The following TG variants were observed in gnomAD, a reference collection of about 807,000 sequenced individuals.
TG encodes thyroid hormones.
Under a neutral mutation model 324.7 loss-of-function variants are expected in TG, and 270 were observed. The ratio of observed to expected loss-of-function variants is 0.83; its 90% CI spans 0.75 to 0.92. The LOEUF (loss-of-function observed/expected upper bound fraction) is 0.92. TG is among the 40% of genes least tolerant of loss of function. TG has a pLI of 0.00. For synonymous variants in TG, 1,401 were observed against 1,327.0 expected, an observed-to-expected ratio of 1.06 and a Z score of -1.21; for missense variants, 3,591 against 3,456.4, an observed-to-expected ratio of 1.04 and a Z score of -0.98.
At chr8:133,109,424 G>A (rs745794652) in intron 43 of TG, among the ~76,000 whole-genome samples, 13 of 152,188 alleles carry the variant, frequency 8.5e-5, no homozygotes, top group Non-Finnish European at 1.8e-4. Flanking sequence ...AACAGCAGGC[G>A]CAAAGGCTTA....
At chr8:132,911,591 T>C (rs1326257228) in intron 19 of TG, 58 bp downstream of exon 19, 1 of 1,454,534 alleles carries the variant, frequency 6.9e-7, no homozygotes, top group African/African-American at 1.4e-5. Context: ...GAGTCTCAGT[T>C]TTCTCATCTG....
chr8:132,971,059 C>G (rs556539828), intron 32 of TG, among the ~76,000 whole-genome samples: 8 of 152,216 alleles, frequency 5.3e-5, no homozygotes, highest in Non-Finnish European at 8.8e-5. Flanking sequence ...TCAGGAGTCA[C>G]GAATGAGTGG....
At chr8:133,098,777 G>C (rs1463557867) in intron 43 of TG, among the ~76,000 whole-genome samples, 1 of 152,134 alleles carries the variant, frequency 6.6e-6, no homozygotes, top group Non-Finnish European at 1.5e-5. Flanking sequence ...TGTTCTTGTT[G>C]GCAGATCTGG....
At chr8:133,040,125 C>T in intron 41 of TG, 1 of 1,577,832 alleles carries the variant, frequency 6.3e-7, no homozygotes, top group Non-Finnish European at 8.6e-7. Flanking sequence ...AGGCCATCAG[C>T]CACCTCTGAG....
chr8:133,098,472 C>T (rs2131665034), intron 43 of TG, among the ~76,000 whole-genome samples: 1 of 152,322 alleles, frequency 6.6e-6, no homozygotes, highest in Non-Finnish European at 1.5e-5. Flanking sequence ...GGCCATTGAC[C>T]AGGGACAATT....
chr8:132,996,463 G>A (rs1317416856), intron 35 of TG, among the ~76,000 whole-genome samples: 4 of 152,084 alleles, frequency 2.6e-5, no homozygotes, highest in Non-Finnish European at 4.4e-5. Context: ...GAAAAAAATA[G>A]TACTATTGCT....
intron 41 of TG, among the ~76,000 whole-genome samples, chr8:133,045,658 G>A (rs1038164347): frequency 1.3e-5 from 2 of 152,122 alleles, no homozygotes; most frequent in South Asian, 4.1e-4. Context: ...GCCTCCCAAA[G>A]TGCTGGGATT....
At chr8:133,030,302 C>T (rs984633200) in intron 41 of TG, among the ~76,000 whole-genome samples, 2 of 152,166 alleles carry the variant, frequency 1.3e-5, no homozygotes, top group African/African-American at 2.4e-5. Context: ...GTGATCTGAA[C>T]CATCAATTAT....
intron 45 of TG, among the ~76,000 whole-genome samples, chr8:133,120,658 C>T (rs1483546523): frequency 6.6e-6 from 1 of 152,154 alleles, no homozygotes; most frequent in African/African-American, 2.4e-5. Context: ...ATCCAAGGTC[C>T]CCATCACCCA....
intron 34 of TG, among the ~76,000 whole-genome samples, chr8:132,981,413 C>T (rs1268686176): frequency 2.0e-5 from 3 of 152,154 alleles, no homozygotes; most frequent in Non-Finnish European, 4.4e-5. Context: ...CGTTTGAATG[C>T]CCTCAACATA....
chr8:133,097,146 C>G (rs1007205792), intron 43 of TG, among the ~76,000 whole-genome samples: 1 of 152,232 alleles, frequency 6.6e-6, no homozygotes, highest in Non-Finnish European at 1.5e-5. Flanking sequence ...TTCCCCTGCA[C>G]ATGCATGACA....
chr8:132,972,883 C>T, intron 34 of TG, 142 bp downstream of exon 34: 1 of 1,141,638 alleles, frequency 8.8e-7, no homozygotes, highest in Non-Finnish European at 1.3e-6. Flanking sequence ...TTCTGTTTAA[C>T]TTAAGCAGAC....
At chr8:132,879,893 G>C (rs918347612) in intron 5 of TG, among the ~76,000 whole-genome samples, 15 of 152,220 alleles carry the variant, frequency 9.9e-5, no homozygotes, top group African/African-American at 3.6e-4. Flanking sequence ...GGTCATGTCT[G>C]CCATGAGCCA....
intron 35 of TG, among the ~76,000 whole-genome samples, chr8:132,985,515 A>G (rs957061098): frequency 2.0e-5 from 3 of 152,114 alleles, no homozygotes; most frequent in Admixed American, 1.3e-4. Context: ...TTCCTCCTTT[A>G]TCAACAAAAT....
intron 35 of TG, among the ~76,000 whole-genome samples, chr8:133,005,919 G>A (rs1357216874): frequency 3.3e-5 from 5 of 152,212 alleles, no homozygotes; most frequent in East Asian, 1.9e-4. Context: ...CAACCTGTCC[G>A]GCTTTCCTCT....
intron 44 of TG, among the ~76,000 whole-genome samples, chr8:133,113,893 C>A (rs1356111381): frequency 6.6e-6 from 1 of 152,192 alleles, no homozygotes; most frequent in African/African-American, 2.4e-5. Context: ...AGAGACGAAG[C>A]ACTTGCCAGA....
At chr8:133,046,097 A>G (rs1839334783) in intron 41 of TG, among the ~76,000 whole-genome samples, 2 of 152,184 alleles carry the variant, frequency 1.3e-5, no homozygotes, top group South Asian at 4.1e-4. Flanking sequence ...AACCGCAGCC[A>G]TGTGCCTCGA....
intron 41 of TG, chr8:133,050,927 A>G: frequency 6.4e-7 from 1 of 1,564,572 alleles, no homozygotes; most frequent in Non-Finnish European, 8.8e-7. Flanking sequence ...TGGGGAAACA[A>G]AGGCAAGGGG....
Position 132,983,521 on chromosome 8 carries a change from G to T in TG, c.6262+109G>T, listed in dbSNP as rs114974261. ...GAAGTTGATAGCTTGCATATCACTC[G>T]CATTAATTCCAGCTCCTATGAATTA... On this transcript the variant is annotated intron_variant, in intron 35 of 47. Coordinates refer to ENST00000220616, the MANE Select transcript of TG (RefSeq NM_003235.5). The T allele has an allele frequency of 3.4e-4, 370 of 1,103,584 alleles. 3 individuals carry two copies. In the African/African-American group the frequency reaches 5.2e-3, roughly 16 times the overall value. The allele number at this position is 1,103,584 out of a possible 1,614,324, so 68.4% of individuals were successfully genotyped here.
Sources: allele counts gnomAD v4.1 joint callset (sites outside exome capture counted in the v4.1 genomes callset), GRCh38; gene constraint gnomAD v4.1.1; transcripts MANE v1.5; gene names NCBI Gene and HGNC (gene_info 2026-07-23, HGNC 2026-07-21).